POLA1: variants seen among roughly 807,000 people sequenced by gnomAD.
The protein encoded by POLA1 is DNA polymerase alpha 1, catalytic subunit.
Under a neutral mutation model 124.0 loss-of-function variants are expected in POLA1, and 15 were observed. The ratio of observed to expected loss-of-function variants is 0.12; its 90% CI spans 0.08 to 0.19. The LOEUF is 0.19. POLA1 is among the 10% of genes least tolerant of loss of function. POLA1 has a pLI of 1.00. For missense variants in POLA1, 886 were observed against 1,103.4 expected (o/e 0.80, Z 2.79); for synonymous variants, 408 against 389.4 (o/e 1.05, Z -0.56).
At chrX:24,967,616 G>A (rs1440164904) in intron 36 of POLA1, among the ~76,000 whole-genome samples, 1 of 110,755 alleles carries the variant, frequency 9.0e-6, no homozygotes, top group Non-Finnish European at 1.9e-5. Context: ...AACCGAGACT[G>A]CACCACTGCA....
intron 35 of POLA1, among the ~76,000 whole-genome samples, chrX:24,888,950 A>G (rs2047105460): frequency 9.2e-6 from 1 of 109,019 alleles, no homozygotes; most frequent in Non-Finnish European, 1.9e-5. Flanking sequence ...GCTCACTGCA[A>G]TCTCCGCTTC....
chrX:24,709,152 G>A (rs1400363207), intron 4 of POLA1, among the ~76,000 whole-genome samples: 2 of 74,988 alleles, frequency 2.7e-5, no homozygotes, highest in African/African-American at 5.2e-5. Context: ...GGGCAGAGGC[G>A]CCCCTCACCT....
Position 24,995,831 on chromosome X carries a change from C to T in POLA1, c.4288C>T (p.Pro1430Ser), listed in dbSNP as rs2048599436. The T allele has an allele frequency of 8.3e-7, 1 of 1,205,136 alleles. No homozygotes were observed. The highest frequency in any genetic ancestry group is 2.2e-5 in the Admixed American group (1 of 45,649). ...KDKLKKQFFT[P>S]KVLQDYRKLK... ...TAAATTGAAGAAGCAATTTTTTACCCCCAAAGTTCTGCAGGACTACAGAAA... is the reference window on the plus strand; with the variant it reads ...TAAATTGAAGAAGCAATTTTTTACCTCCAAAGTTCTGCAGGACTACAGAAA... Residue 1430 changes from proline to serine, a missense_variant, in exon 37 of 37, where the codon CCC (proline) becomes TCC (serine). Pro to Ser is a moderately conservative substitution (Grantham distance 74). This residue lies in a region of POLA1 where 313 missense variants were observed against 359.7 expected (regional missense o/e 0.87). Transcript: ENST00000379068.
At chrX:24,760,051 A>T (rs898934173) in intron 26 of POLA1, among the ~76,000 whole-genome samples, 3 of 112,313 alleles carry the variant, frequency 2.7e-5, no homozygotes, top group Non-Finnish European at 5.6e-5. Context: ...TTGTTAAGCG[A>T]TAAAAAGAAA....
intron 32 of POLA1, among the ~76,000 whole-genome samples, chrX:24,828,229 T>G (rs953567278): frequency 3.5e-5 from 4 of 112,922 alleles, no homozygotes; most frequent in Non-Finnish European, 7.5e-5. Context: ...GCGTTTGCTC[T>G]GTTGGATACA....
At chrX:24,930,764 A>G (rs991879866) in intron 36 of POLA1, among the ~76,000 whole-genome samples, 1 of 112,347 alleles carries the variant, frequency 8.9e-6, no homozygotes, top group Non-Finnish European at 1.9e-5. Flanking sequence ...ATTGTCCTCT[A>G]TTAAAGCAAG....
At chrX:24,707,850 C>A (rs1311659746) in intron 4 of POLA1, among the ~76,000 whole-genome samples, 2 of 111,227 alleles carry the variant, frequency 1.8e-5, no homozygotes, top group East Asian at 2.8e-4. Context: ...AAAAATTAGT[C>A]GGGCGTGGTG....
intron 36 of POLA1, among the ~76,000 whole-genome samples, chrX:24,992,469 TAA>T (rs1295953106): frequency 8.9e-6 from 1 of 112,651 alleles, no homozygotes; most frequent in Non-Finnish European, 1.9e-5. Context: ...ACTGACTGTA[TAA>T]CACCTGACAG....
At position 24,815,385 on chromosome X, in the gene POLA1, C is replaced by T. The variant is rs182416093; in HGVS notation, c.3429+274C>T. On this transcript the variant is annotated intron_variant, in intron 30 of 36. Coordinates refer to ENST00000379068, the MANE Select transcript of POLA1 (RefSeq NM_001330360.2). ...CTATGGAGTGATACAGTTTACATTCCAGAGGTCCTATGGAGTGATATCACT... is the reference window on the plus strand; with the variant it reads ...CTATGGAGTGATACAGTTTACATTCTAGAGGTCCTATGGAGTGATATCACT... 1.2e-3 allele frequency among the ~76,000 whole-genome samples: 128 copies of T among 110,166 alleles called. 1 individual carries two copies. Among genetic ancestry groups the T allele is most frequent in the Admixed American group, 1.6e-3 (17 of 10,416 alleles).
chrX:24,790,069 T>G (rs1159308003), intron 26 of POLA1, among the ~76,000 whole-genome samples: 1 of 112,165 alleles, frequency 8.9e-6, no homozygotes, highest in Admixed American at 9.5e-5. Flanking sequence ...TTGCAGATAA[T>G]TAGAATTATT....
chrX:24,788,258 A>G (rs750145986), intron 26 of POLA1: 9 of 668,794 alleles, frequency 1.3e-5, no homozygotes, highest in Admixed American at 8.4e-5. Context: ...AGCTAACATC[A>G]TACACAACAG....
At position 24,972,798 on chromosome X, in the gene POLA1, T is replaced by A. The variant is rs760680657; in HGVS notation, c.4262-23007T>A. Among the ~76,000 whole-genome samples, 4 of 112,460 alleles carry A rather than the reference T, an allele frequency of 3.6e-5. No homozygotes were observed. In the East Asian group the frequency reaches 8.4e-4, roughly 24 times the overall value. On this transcript the variant is annotated intron_variant, in intron 36 of 36. Coordinates refer to ENST00000379068, the MANE Select transcript of POLA1 (RefSeq NM_001330360.2). ...AGATGAGAGAGTTTTTCAAATAACC[T>A]TTCCTGAGAAGCTAAGGAATCTGTA...
At chrX:24,753,896 C>G (rs189516329) in intron 26 of POLA1, among the ~76,000 whole-genome samples, 1 of 112,406 alleles carries the variant, frequency 8.9e-6, no homozygotes, top group East Asian at 2.8e-4. Context: ...CATTTTCCTA[C>G]CTGATAGGCT....
chrX:24,978,365 A>G (rs1357455900), intron 36 of POLA1, among the ~76,000 whole-genome samples: 3 of 112,042 alleles, frequency 2.7e-5, no homozygotes, highest in African/African-American at 9.7e-5. Context: ...GGTACAATGT[A>G]CCAGATGTTT....
rs55664602 is a variant in POLA1, at chrX:24,970,002, G to A, written c.4262-25803G>A. 9.8e-5 allele frequency among the ~76,000 whole-genome samples: 11 copies of A among 112,492 alleles called. 1 individual carries two copies. The highest frequency in any genetic ancestry group is 2.8e-4 in the East Asian group (1 of 3,603). On this transcript the variant is annotated intron_variant, in intron 36 of 36. Transcript: ENST00000379068. ...ATGTGCCTAGAAAGGACATGACCTC[G>A]TTCCTTTTTTATGGCTGCATAGTAT...
intron 35 of POLA1, among the ~76,000 whole-genome samples, chrX:24,892,512 G>T (rs1428337872): frequency 8.9e-6 from 1 of 111,872 alleles, no homozygotes; most frequent in African/African-American, 3.2e-5. Context: ...TTTGTTTTAA[G>T]AATGTGGTTT....
chrX:24,924,629 A>T (rs1163752146), intron 35 of POLA1, among the ~76,000 whole-genome samples: 2 of 111,897 alleles, frequency 1.8e-5, no homozygotes, highest in Non-Finnish European at 3.8e-5. Flanking sequence ...GTCACAGGAT[A>T]GGCAACTATG....
intron 35 of POLA1, among the ~76,000 whole-genome samples, chrX:24,907,025 T>A (rs2047378057): frequency 9.0e-6 from 1 of 111,217 alleles, no homozygotes; most frequent in African/African-American, 3.3e-5. Context: ...CCATCTGTAC[T>A]AGAAATTTTT....
intron 30 of POLA1, among the ~76,000 whole-genome samples, chrX:24,815,985 A>G (rs1223634879): frequency 2.7e-5 from 3 of 112,184 alleles, no homozygotes; most frequent in Non-Finnish European, 5.6e-5. Flanking sequence ...TACCTTAAAA[A>G]TCAAATTAAT....
Sources: gnomAD v4.1 joint callset for allele counts (sites outside exome capture counted in the v4.1 genomes callset) on GRCh38, gnomAD v4.1.1 for gene constraint, gnomAD v4.1.1 regional missense constraint, MANE v1.5 for transcripts, NCBI Gene and HGNC (gene_info 2026-07-23, HGNC 2026-07-21) for gene names.